The following NRG3 variants were observed in gnomAD, a reference collection of about 807,000 sequenced individuals.
The protein encoded by NRG3 is pro-neuregulin-3, membrane-bound isoform.
NRG3 carries 31 observed loss-of-function variants against 66.9 expected under a neutral mutation model. The observed-to-expected ratio is 0.46, with a 90% CI of 0.35 to 0.63. NRG3 has a LOEUF of 0.63. NRG3 is among the 20% of genes least tolerant of loss of function. The probability of loss-of-function intolerance (pLI) is 0.00; values close to 1 mark genes in which losing one functional copy is unlikely to be tolerated. For synonymous variants in NRG3, 393 were observed against 359.4 expected (o/e 1.09, Z -1.06); for missense variants, 910 against 878.9 (o/e 1.04, Z -0.45).
At chr10:82,631,176 T>C (rs1165418111) in intron 2 of NRG3, among the ~76,000 whole-genome samples, 1 of 152,200 alleles carries the variant, frequency 6.6e-6, no homozygotes, top group Admixed American at 6.5e-5. Context: ...TGCTAATTAA[T>C]CCTTCCAACT....
chr10:82,921,020 A>C (rs1324595835), intron 4 of NRG3, among the ~76,000 whole-genome samples: 1 of 152,150 alleles, frequency 6.6e-6, no homozygotes, highest in Non-Finnish European at 1.5e-5. Flanking sequence ...TAGGCTACAC[A>C]TAGTGACTTT....
At chr10:82,380,678 G>A (rs923649178) in intron 2 of NRG3, among the ~76,000 whole-genome samples, 3 of 152,012 alleles carry the variant, frequency 2.0e-5, no homozygotes, top group East Asian at 1.9e-4. Flanking sequence ...CCTATTTGAC[G>A]GGAAAAACAT....
chr10:81,985,965 G>A (rs2060502877), intron 1 of NRG3, among the ~76,000 whole-genome samples: 2 of 152,342 alleles, frequency 1.3e-5, no homozygotes, highest in South Asian at 2.1e-4. Context: ...CAGTGCCAGA[G>A]AGCCAATTAG....
chr10:82,654,674 T>C (rs976930883), intron 2 of NRG3, among the ~76,000 whole-genome samples: 1 of 152,170 alleles, frequency 6.6e-6, no homozygotes, highest in Non-Finnish European at 1.5e-5. Context: ...ATAACTTTTT[T>C]CTGTTGATAT....
At chr10:82,188,042 T>C (rs1415449617) in intron 1 of NRG3, among the ~76,000 whole-genome samples, 1 of 151,840 alleles carries the variant, frequency 6.6e-6, no homozygotes, top group Non-Finnish European at 1.5e-5. Context: ...GAAGGAATCA[T>C]ATTTCCTGAC....
intron 2 of NRG3, among the ~76,000 whole-genome samples, chr10:82,378,114 T>G (rs2135813494): frequency 6.6e-6 from 1 of 152,346 alleles, no homozygotes; most frequent in East Asian, 1.9e-4. Context: ...TTGTTTTTTC[T>G]TACTTGTTCA....
chr10:82,781,212 T>G (rs1229882972), intron 3 of NRG3, among the ~76,000 whole-genome samples: 1 of 152,154 alleles, frequency 6.6e-6, no homozygotes, highest in Non-Finnish European at 1.5e-5. Flanking sequence ...ATCTTTAAGG[T>G]TTATAATTGT....
At position 82,537,641 on chromosome 10, in the gene NRG3, A is replaced by T. The variant is rs140777631; in HGVS notation, c.953+178773A>T. 9.1e-3 allele frequency among the ~76,000 whole-genome samples: 1,393 copies of T among 152,318 alleles called. 19 individuals carry two copies. Among genetic ancestry groups the T allele is most frequent in the African/African-American group, 0.032 (1,314 of 41,568 alleles). ...GTGTTATACAGCCTTCAAGTAAGAA[A>T]ATAAACATTTCTAGGTTATTCAAAC... On this transcript the variant is annotated intron_variant, in intron 2 of 8. Transcript: ENST00000372141.
At chr10:82,254,320 G>A (rs2077613045) in intron 1 of NRG3, among the ~76,000 whole-genome samples, 1 of 152,102 alleles carries the variant, frequency 6.6e-6, no homozygotes, top group Non-Finnish European at 1.5e-5. Context: ...CCTTGGACTT[G>A]GTGTTAACCT....
At chr10:82,332,887 A>G (rs1039870735) in intron 1 of NRG3, among the ~76,000 whole-genome samples, 2 of 152,232 alleles carry the variant, frequency 1.3e-5, no homozygotes, top group Non-Finnish European at 2.9e-5. Flanking sequence ...GGTCTTCCCA[A>G]GAAACAGAAC....
chr10:82,622,971 G>T (rs2049140163), intron 2 of NRG3, among the ~76,000 whole-genome samples: 1 of 151,460 alleles, frequency 6.6e-6, no homozygotes, highest in African/African-American at 2.4e-5. Context: ...ATTTTGGATG[G>T]GTTTTTTTTT....
intron 1 of NRG3, among the ~76,000 whole-genome samples, chr10:82,131,786 A>C (rs968107289): frequency 6.6e-6 from 1 of 151,890 alleles, no homozygotes; most frequent in African/African-American, 2.4e-5. Context: ...ATTTAATTTT[A>C]TTTGTAGCTA....
intron 1 of NRG3, among the ~76,000 whole-genome samples, chr10:82,203,133 G>A (rs1432714708): frequency 1.3e-5 from 2 of 152,090 alleles, no homozygotes; most frequent in African/African-American, 2.4e-5. Flanking sequence ...TGTGTAGGAC[G>A]GATTATAGAA....
chr10:82,727,409 T>C lies in NRG3; in HGVS notation c.954-11168T>C, dbSNP rs555358908. 2.0e-5 allele frequency among the ~76,000 whole-genome samples: 3 copies of C among 152,336 alleles called. No homozygotes were observed. The South Asian group carries it at 6.2e-4, about 32-fold the overall frequency. ...GGGACTTGGTGCCCTGCATCCCAGC[T>C]GCTCCAGCCATGACTAAAAGGGGCC... On this transcript the variant is annotated intron_variant, in intron 2 of 8. Coordinates refer to ENST00000372141, the MANE Select transcript of NRG3 (RefSeq NM_001010848.4).
intron 1 of NRG3, among the ~76,000 whole-genome samples, chr10:82,197,216 G>A (rs936079034): frequency 5.3e-5 from 8 of 152,116 alleles, no homozygotes; most frequent in Non-Finnish European, 1.2e-4. Flanking sequence ...ATAGCACCAG[G>A]CACATAGCAA....
intron 1 of NRG3, among the ~76,000 whole-genome samples, chr10:81,923,581 A>C (rs1480159497): frequency 6.6e-6 from 1 of 152,230 alleles, no homozygotes; most frequent in African/African-American, 2.4e-5. Flanking sequence ...CCTGAGCCCC[A>C]GCTTTGTTTT....
chr10:82,506,738 T>TTTATGCA (rs1844716173), intron 2 of NRG3, among the ~76,000 whole-genome samples: 1 of 152,172 alleles, frequency 6.6e-6, no homozygotes, highest in South Asian at 2.1e-4. Context: ...CTAACAATTT[T>TTTATGCA]TTATGCATTA....
At chr10:81,998,006 T>C (rs986973542) in intron 1 of NRG3, among the ~76,000 whole-genome samples, 1 of 152,060 alleles carries the variant, frequency 6.6e-6, no homozygotes, top group African/African-American at 2.4e-5. Context: ...TTGTGAGTCT[T>C]CATGTGTGAT....
chr10:82,285,351 G>A (rs1170812018), intron 1 of NRG3, among the ~76,000 whole-genome samples: 4 of 152,108 alleles, frequency 2.6e-5, no homozygotes, highest in Non-Finnish European at 5.9e-5. Context: ...TTTCATTCCT[G>A]GATCAATCCC....
Sources: allele counts gnomAD v4.1 joint callset (sites outside exome capture counted in the v4.1 genomes callset), GRCh38; gene constraint gnomAD v4.1.1; transcripts MANE v1.5; gene names NCBI Gene and HGNC (gene_info 2026-07-23, HGNC 2026-07-21).